The following CD163L1 variants were observed in gnomAD, a reference collection of about 807,000 sequenced individuals.
CD163L1 encodes the protein CD163 molecule like 1, also known as scavenger receptor cysteine-rich type 1 protein M160.
In CD163L1, 124 loss-of-function variants were observed where a neutral mutation model predicts 165.4. That is an observed-to-expected ratio of 0.75 (90% CI 0.65 to 0.87). The LOEUF (loss-of-function observed/expected upper bound fraction) is 0.87, where lower values mean the gene tolerates loss of function less well. CD163L1 is among the 40% of genes least tolerant of loss of function. CD163L1 has a pLI of 0.00. For missense variants in CD163L1, 1,525 were observed against 1,799.9 expected (o/e 0.85, Z 2.76); for synonymous variants, 585 against 662.2 (o/e 0.88, Z 1.79).
intron 4 of CD163L1, among the ~76,000 whole-genome samples, chr12:7,412,526 T>G (rs1475871963): frequency 6.6e-6 from 1 of 152,178 alleles, no homozygotes; most frequent in Non-Finnish European, 1.5e-5. Context: ...AAAAACATTT[T>G]AGAAACATGC....
the CD163L1 span, chr12:7,327,223 T>A: frequency 8.4e-7 from 1 of 1,186,210 alleles, no homozygotes; most frequent in Non-Finnish European, 1.1e-6. Context: ...TCAATTTGTT[T>A]AACCCTAAGA....
intron 4 of CD163L1, among the ~76,000 whole-genome samples, chr12:7,417,519 G>T (rs1948270144): frequency 6.6e-6 from 1 of 152,078 alleles, no homozygotes; most frequent in African/African-American, 2.4e-5. Flanking sequence ...TCCAGCTTTT[G>T]CCCATTCAGT....
At chr12:7,389,960 T>TTATATATATATATATATATATATA (rs59235889) in intron 8 of CD163L1, among the ~76,000 whole-genome samples, 6 of 135,962 alleles carry the variant, frequency 4.4e-5, no homozygotes, top group East Asian at 2.1e-4. Context: ...ATATATATAT[T>TTATATATATATATATATATATATA]TATATATATA....
the CD163L1 span, among the ~76,000 whole-genome samples, chr12:7,325,463 A>T: frequency 6.6e-6 from 1 of 152,228 alleles, no homozygotes; most frequent in Non-Finnish European, 1.5e-5. Flanking sequence ...CCTGGCCAAC[A>T]TGGTGAAACC....
rs1288272223 is a variant in CD163L1 at position 7,398,126 on chromosome 12, C to T, written c.1729+138G>A. The T allele has an allele frequency of 1.4e-6, 1 of 700,100 alleles. No individual in the cohort carries two copies. The highest frequency in any genetic ancestry group is 2.4e-6 in the Non-Finnish European group (1 of 424,374). 43.4% of individuals were successfully genotyped at this position (700,100 alleles called of 1,614,324 possible). A position where few individuals can be genotyped will look rare whatever the true frequency, so the allele number is the denominator to read the frequency against. Reference sequence around the variant, plus strand: ...GTGGAAGAGTTCCAGGTGAAGTGAACTGAAGTCTAATTTAAAGACAAGAGT... The same window carrying T: ...GTGGAAGAGTTCCAGGTGAAGTGAATTGAAGTCTAATTTAAAGACAAGAGT... On this transcript the variant is annotated intron_variant, in intron 7 of 19. Transcript: ENST00000313599. The surrounding 1 kb of genome is among the most constrained non-coding windows in gnomAD (Gnocchi z 4.5).
chr12:7,378,883 C>G, intron 9 of CD163L1, 95 bp downstream of exon 9: 1 of 1,132,086 alleles, frequency 8.8e-7, no homozygotes, highest in Non-Finnish European at 1.3e-6. Context: ...TTACTTTTGA[C>G]CTAATACTGT....
At chr12:7,367,935 A>G (rs1209476066) in intron 17 of CD163L1, 152 bp downstream of exon 17, 1 of 588,864 alleles carries the variant, frequency 1.7e-6, no homozygotes, top group Non-Finnish European at 3.1e-6. Flanking sequence ...ATTCTTGATC[A>G]TTCCACATGT....
At chr12:7,409,891 A>G (rs769278302) in intron 4 of CD163L1, among the ~76,000 whole-genome samples, 7 of 152,314 alleles carry the variant, frequency 4.6e-5, no homozygotes, top group African/African-American at 1.7e-4. Context: ...TAAAAAAACT[A>G]TGGAGAAGAT....
chr12:7,421,041 A>ATATATATATACATATATATATATACGTG (rs1217962587), intron 4 of CD163L1, among the ~76,000 whole-genome samples: 1 of 108,598 alleles, frequency 9.2e-6, no homozygotes, highest in East Asian at 3.3e-4. Context: ...ATATACGTGT[A>ATATATATATACATATATATATATACGTG]TATATATGTA....
intron 4 of CD163L1, among the ~76,000 whole-genome samples, chr12:7,426,772 A>C (rs1948550720): frequency 6.6e-6 from 1 of 152,176 alleles, no homozygotes; most frequent in Non-Finnish European, 1.5e-5. Context: ...GAATGGATTA[A>C]GAAAAAACAT....
chr12:7,399,243 CTT>C (rs1947851456), intron 6 of CD163L1, among the ~76,000 whole-genome samples: 1 of 146,954 alleles, frequency 6.8e-6, no homozygotes, highest in South Asian at 2.2e-4. Context: ...TCTCATTCTT[CTT>C]TCTCTCTCTT....
chr12:7,358,814 T>C (rs1946830950), intron 18 of CD163L1, among the ~76,000 whole-genome samples: 1 of 151,934 alleles, frequency 6.6e-6, no homozygotes, highest in South Asian at 2.1e-4. Context: ...TTAAAACAAC[T>C]AGGATTAATG....
At chr12:7,428,075 T>A (rs1948573764) in intron 4 of CD163L1, among the ~76,000 whole-genome samples, 1 of 152,092 alleles carries the variant, frequency 6.6e-6, no homozygotes, top group Non-Finnish European at 1.5e-5. Context: ...TAATTTCTGG[T>A]TGCCCTTGGC....
intron 4 of CD163L1, among the ~76,000 whole-genome samples, chr12:7,415,582 C>A (rs374875549): frequency 6.6e-6 from 1 of 152,126 alleles, no homozygotes; most frequent in Non-Finnish European, 1.5e-5. Context: ...CCCTACCCCC[C>A]CAACCCCCAA....
At chr12:7,397,591 T>C (rs1288298839) in intron 7 of CD163L1, among the ~76,000 whole-genome samples, 1 of 152,128 alleles carries the variant, frequency 6.6e-6, no homozygotes, top group Non-Finnish European at 1.5e-5. Context: ...CACCTCTGTG[T>C]GAGAATATTA....
At chr12:7,443,106 G>A (rs1248621561) in intron 1 of CD163L1, among the ~76,000 whole-genome samples, 1 of 152,152 alleles carries the variant, frequency 6.6e-6, no homozygotes, top group Non-Finnish European at 1.5e-5. Context: ...AATTCATTAA[G>A]ATGAGCCTTG....
the CD163L1 span, chr12:7,324,478 A>T: frequency 6.2e-7 from 1 of 1,613,980 alleles, no homozygotes; most frequent in Non-Finnish European, 8.5e-7. Context: ...GTGGTGGTCA[A>T]AAACTTCTTT....
chr12:7,385,870 G>T (rs1211100970), intron 8 of CD163L1, among the ~76,000 whole-genome samples: 1 of 151,518 alleles, frequency 6.6e-6, no homozygotes, highest in Non-Finnish European at 1.5e-5. Flanking sequence ...AGTTAAGAAG[G>T]CATTTATAAT....
the CD163L1 span, chr12:7,324,621 A>G: frequency 6.2e-7 from 1 of 1,608,544 alleles, no homozygotes; most frequent in Non-Finnish European, 8.5e-7. Flanking sequence ...CATTTATTAA[A>G]GAAGCAACAT....
Sources: allele counts gnomAD v4.1 joint callset (sites outside exome capture counted in the v4.1 genomes callset), GRCh38; gene constraint gnomAD v4.1.1; non-coding constraint Gnocchi (gnomAD v3.1); transcripts MANE v1.5; gene names NCBI Gene and HGNC (gene_info 2026-07-23, HGNC 2026-07-21).